The following HABP2 variants were observed in gnomAD, a reference collection of about 807,000 sequenced individuals.
The protein encoded by HABP2 is hyaluronan binding protein 2, also known as factor VII-activating protease.
Under a neutral mutation model 66.5 loss-of-function variants are expected in HABP2, and 65 were observed. That is an observed-to-expected ratio of 0.98 (90% CI 0.80 to 1.20). The LOEUF is 1.20. Among genes scored for constraint, HABP2 ranks in the 50% most tolerant of loss-of-function variants. HABP2 has a pLI of 0.00. For missense variants in HABP2, 786 were observed against 691.0 expected (o/e 1.14, Z -1.54); for synonymous variants, 263 against 253.9 (o/e 1.04, Z -0.34).
At chr10:113,586,234 A>G (rs1845630933) in intron 12 of HABP2, among the ~76,000 whole-genome samples, 1 of 152,202 alleles carries the variant, frequency 6.6e-6, no homozygotes, top group African/African-American at 2.4e-5. Flanking sequence ...TGCTTAGAGA[A>G]GTTATCTTGG....
Position 113,588,363 on chromosome 10 carries a change from C to T in HABP2, c.1677C>T (p.Gly559=). 6.2e-7 allele frequency: 1 copy of T among 1,611,516 alleles called. No homozygotes were observed. Among genetic ancestry groups the T allele is most frequent in the South Asian group, 1.1e-5 (1 of 90,546 alleles). Reference sequence around the variant, plus strand: ...AAGCCACCATCAAAAGTGAAAGTGGCTTCTAAGGTACTGTCTTCTGGACCT... The same window carrying T: ...AAGCCACCATCAAAAGTGAAAGTGGTTTCTAAGGTACTGTCTTCTGGACCT... ...WIKATIKSES[G]F The change falls in exon 13 of 13, where the codon GGC becomes GGT. Residue 559 remains glycine (G), a synonymous_variant. Transcript: ENST00000351270.
rs776542230 is a variant in HABP2, at chr10:113,578,641, T to C, written c.583T>C (p.Tyr195His). 1.9e-6 allele frequency: 3 copies of C among 1,613,080 alleles called. No homozygotes were observed. Among genetic ancestry groups the C allele is most frequent in the African/African-American group, 1.3e-5 (1 of 74,980 alleles). The change falls in exon 7 of 13, where the codon TAT becomes CAT. Residue 195 changes from tyrosine (Y) to histidine (H), a missense_variant. Coordinates refer to ENST00000351270, the MANE Select transcript of HABP2 (RefSeq NM_004132.5). ...KFCEIGSDDCYVGDGYSYRGK... is the reference protein window; with the variant it reads ...KFCEIGSDDCHVGDGYSYRGK... ...CTCTCTCGGAGGTTCTGATGACTGC[T>C]ATGTTGGCGATGGCTACTCTTACCG...
chr10:113,570,878 T>C (rs1289760760), intron 2 of HABP2, among the ~76,000 whole-genome samples: 6 of 152,156 alleles, frequency 3.9e-5, no homozygotes, highest in African/African-American at 1.4e-4. Context: ...GGAATGGAAA[T>C]GGCCCTTCCT....
At chr10:113,556,986 G>C (rs1283091231) in intron 1 of HABP2, among the ~76,000 whole-genome samples, 1 of 152,024 alleles carries the variant, frequency 6.6e-6, no homozygotes, top group East Asian at 1.9e-4. Flanking sequence ...AATGTGCATT[G>C]TCTGCCTGGT....
Position 113,584,238 on chromosome 10 carries a change from C to G in HABP2, c.1328C>G (p.Ser443Cys), listed in dbSNP as rs533573854. ...TGCTTGCCTGATGGGTCCTTTCCCT[C>G]TGGGAGTGAGTGCCACATCTCTGGC... The part of the protein sequence containing the change: ...TVCLPDGSFP[S>C]GSECHISGWG... The change falls in exon 11 of 13, where the codon TCT becomes TGT. Residue 443 changes from serine to cysteine, a missense_variant. Transcript: ENST00000351270. 43 of 1,613,862 alleles carry G rather than the reference C, an allele frequency of 2.7e-5. No homozygotes were observed. In the Middle Eastern group the frequency reaches 4.9e-4, roughly 19 times the overall value.
rs772928232 is a variant in HABP2 at position 113,584,133 on chromosome 10, T to G, written c.1238-15T>G. 25 of 1,610,364 alleles carry G rather than the reference T, an allele frequency of 1.6e-5. 1 individual carries two copies. Among genetic ancestry groups the G allele is most frequent in the Middle Eastern group, 3.3e-4 (2 of 6,080 alleles). ...GGTGACATCGCATCCATTTTCTACC[T>G]CTCTCTCCACCTAGCATTGCTCAAG... is the stretch of plus-strand genomic sequence containing the variant. On this transcript the variant is annotated splice_polypyrimidine_tract_variant and intron_variant, in intron 10 of 12. Transcript: ENST00000351270.
At chr10:113,570,015 G>A (rs1592690063) in intron 2 of HABP2, 1 of 152,228 alleles carries the variant, frequency 6.6e-6, no homozygotes, top group African/African-American at 2.4e-5. Flanking sequence ...GTTAATCCTG[G>A]TCAAGGGACC....
At chr10:113,582,986 G>C (rs1008378412) in intron 9 of HABP2, among the ~76,000 whole-genome samples, 3 of 152,226 alleles carry the variant, frequency 2.0e-5, no homozygotes, top group Non-Finnish European at 2.9e-5. Flanking sequence ...GGGAGAATGG[G>C]AGGTCTCCCA....
Position 113,589,194 on chromosome 10 carries a change from C to A in HABP2, c.*825C>A. On this transcript the variant is annotated 3_prime_UTR_variant, in exon 13 of 13. Transcript: ENST00000351270. ...AGGGAGCATTTAACAGGCTCACCCT[C>A]CCTTTCCTTTTCCCCTCTTCTACCC... 1.3e-6 allele frequency: 1 copy of A among 784,882 alleles called. No individual in the cohort carries two copies. The highest frequency in any genetic ancestry group is 1.8e-5 in the South Asian group (1 of 56,448). 48.6% of individuals were successfully genotyped at this position (784,882 alleles called of 1,614,324 possible). A position where few individuals can be genotyped will look rare whatever the true frequency, so the allele number is the denominator to read the frequency against.
intron 2 of HABP2, among the ~76,000 whole-genome samples, chr10:113,568,351 G>A (rs1224836378): frequency 1.3e-5 from 2 of 152,220 alleles, no homozygotes; most frequent in African/African-American, 2.4e-5. Context: ...GGAGACTGTG[G>A]CCACATCTGA....
At position 113,582,141 on chromosome 10, in the gene HABP2, G is replaced by C. The variant is rs376981372; in HGVS notation, c.1094+10G>C. 3.1e-6 allele frequency: 5 copies of C among 1,595,690 alleles called. No homozygotes were observed. Among genetic ancestry groups the C allele is most frequent in the Non-Finnish European group, 4.2e-6 (5 of 1,177,448 alleles). On this transcript the variant is annotated intron_variant, in intron 9 of 12. Coordinates refer to ENST00000351270, the MANE Select transcript of HABP2 (RefSeq NM_004132.5). ...CTGCCCACTGCACCGAGTAGGTGCC[G>C]CTGGGAGCAGGGACCAGGGTGGCTT...
intron 8 of HABP2, 24 bp downstream of exon 8, chr10:113,580,716 G>A (rs1193235831): frequency 8.2e-7 from 1 of 1,219,870 alleles, no homozygotes; most frequent in Admixed American, 1.7e-5. Context: ...CTGTTCAGAA[G>A]CCCAGGGGGT....
chr10:113,588,729 A>C lies in HABP2; in HGVS notation c.*360A>C, dbSNP rs1023865351. The C allele has an allele frequency of 4.5e-5, 25 of 554,576 alleles. No individual in the cohort carries two copies. The highest frequency in any genetic ancestry group is 7.0e-5 in the Non-Finnish European group (22 of 315,022). 34.4% of individuals were successfully genotyped at this position (554,576 alleles called of 1,614,324 possible). On this transcript the variant is annotated 3_prime_UTR_variant, in exon 13 of 13. Coordinates refer to ENST00000351270, the MANE Select transcript of HABP2 (RefSeq NM_004132.5). Reference sequence around the variant, plus strand: ...ATCCCCAGCATCAGCGGGAACCACCATCACATCTTTATTCCTCAGCCCAGA... The same window carrying C: ...ATCCCCAGCATCAGCGGGAACCACCCTCACATCTTTATTCCTCAGCCCAGA...
chr10:113,578,768 C>G lies in HABP2; in HGVS notation c.710C>G (p.Thr237Ser), dbSNP rs748376634. ...AACATGTTTATGGAGGATGCTGAAA[C>G]CCATGGGATTGGGGAACACAATTTC... Reference protein sequence around the residue: ...NYNMFMEDAETHGIGEHNFCR... With the variant: ...NYNMFMEDAESHGIGEHNFCR... Residue 237 changes from threonine (T) to serine (S), a missense_variant, in exon 7 of 13, where the codon ACC becomes AGC. Transcript: ENST00000351270. 8 of 1,612,232 alleles carry G rather than the reference C, an allele frequency of 5.0e-6. No homozygotes were observed. The highest frequency in any genetic ancestry group is 6.8e-6 in the Non-Finnish European group (8 of 1,178,324).
intron 12 of HABP2, among the ~76,000 whole-genome samples, chr10:113,586,228 T>G (rs1845630869): frequency 6.6e-6 from 1 of 152,150 alleles, no homozygotes; most frequent in African/African-American, 2.4e-5. Context: ...TACAGATGCT[T>G]AGAGAAGTTA....
At chr10:113,577,940 A>C in intron 5 of HABP2, 86 bp from the exon 6 acceptor site, 3 of 1,514,660 alleles carry the variant, frequency 2.0e-6, no homozygotes, top group Non-Finnish European at 2.7e-6. Flanking sequence ...ACACCAGTAG[A>C]ATGCCACCAA....
intron 2 of HABP2, among the ~76,000 whole-genome samples, chr10:113,569,263 C>A (rs1353212213): frequency 6.6e-5 from 10 of 152,156 alleles, no homozygotes; most frequent in Non-Finnish European, 1.3e-4. Context: ...AATGAAGGGA[C>A]CCTGAAGCAG....
chr10:113,581,934 C>T lies in HABP2; in HGVS notation c.897C>T (p.Asp299=). 6.2e-7 allele frequency: 1 copy of T among 1,614,120 alleles called. No individual in the cohort carries two copies. The highest frequency in any genetic ancestry group is 1.1e-5 in the South Asian group (1 of 91,088). The part of the protein sequence containing the change: ...TEPSTKLPGF[D]SCGKTEIAER... The stretch of plus-strand genomic sequence containing the variant: ...CATCAACCAAGCTTCCGGGGTTTGA[C>T]TCCTGTGGAAAGACTGAGATAGCAG... The change falls in exon 9 of 13, where the codon GAC becomes GAT. Residue 299 remains aspartate (D), a synonymous_variant. Coordinates refer to ENST00000351270, the MANE Select transcript of HABP2 (RefSeq NM_004132.5).
chr10:113,588,810 C>T lies in HABP2; in HGVS notation c.*441C>T, dbSNP rs1246594406. Reference sequence around the variant, plus strand: ...CACGTCTAGGTATCAGAGAGGACCACAAATACAACATTCTCCATCTGCTTT... The same window carrying T: ...CACGTCTAGGTATCAGAGAGGACCATAAATACAACATTCTCCATCTGCTTT... On this transcript the variant is annotated 3_prime_UTR_variant, in exon 13 of 13. Coordinates refer to ENST00000351270, the MANE Select transcript of HABP2 (RefSeq NM_004132.5). 5 of 633,998 alleles carry T rather than the reference C, an allele frequency of 7.9e-6. No homozygotes were observed. The Admixed American group carries it at 1.4e-4, about 18-fold the overall frequency. The allele number at this position is 633,998 out of a possible 1,614,324, so 39.3% of individuals were successfully genotyped here.
Sources: gnomAD v4.1 joint callset for allele counts (sites outside exome capture counted in the v4.1 genomes callset) on GRCh38, gnomAD v4.1.1 for gene constraint, MANE v1.5 for transcripts, NCBI Gene and HGNC (gene_info 2026-07-23, HGNC 2026-07-21) for gene names.